KDM4C: variants seen among roughly 807,000 people sequenced by gnomAD.
The protein encoded by KDM4C is lysine-specific demethylase 4C.
A neutral mutation model predicts 129.3 loss-of-function variants in KDM4C; 81 were observed. The observed-to-expected ratio is 0.63, with a 90% CI of 0.52 to 0.75. KDM4C has a LOEUF of 0.75. Ranked by LOEUF, KDM4C falls within the 30% of genes least tolerant of loss-of-function variation. KDM4C has a pLI of 0.00. For synonymous variants in KDM4C, 573 were observed against 456.1 expected (o/e 1.26, Z -3.26); for missense variants, 1,457 against 1,304.0 (o/e 1.12, Z -1.81).
chr9:7,132,406 C>G (rs373359898), intron 19 of KDM4C, among the ~76,000 whole-genome samples: 1 of 151,824 alleles, frequency 6.6e-6, no homozygotes, highest in Non-Finnish European at 1.5e-5. Context: ...GAGAAACGCT[C>G]TTTGAACTAT....
intron 19 of KDM4C, among the ~76,000 whole-genome samples, chr9:7,137,782 A>C (rs1841362612): frequency 6.6e-6 from 1 of 152,242 alleles, no homozygotes; most frequent in Admixed American, 6.5e-5. Flanking sequence ...CCAGGTGCTA[A>C]CACCCCAGGA....
chr9:6,880,574 G>T (rs1475956351), intron 6 of KDM4C, among the ~76,000 whole-genome samples: 5 of 152,100 alleles, frequency 3.3e-5, no homozygotes, highest in African/African-American at 7.2e-5. Context: ...AAGTGTGAAG[G>T]TGAATGGCTC....
chr9:7,120,318 G>A (rs1839360315), intron 18 of KDM4C, among the ~76,000 whole-genome samples: 1 of 152,118 alleles, frequency 6.6e-6, no homozygotes. Flanking sequence ...TCTTTTGTTT[G>A]AAATTTGGCT....
intron 8 of KDM4C, among the ~76,000 whole-genome samples, chr9:6,965,240 A>AG (rs1830740572): frequency 6.6e-6 from 1 of 151,614 alleles, no homozygotes; most frequent in Non-Finnish European, 1.5e-5. Context: ...CAAATTGCAA[A>AG]GAAAAAAAAA....
At chr9:7,045,760 T>G (rs1829302184) in intron 15 of KDM4C, among the ~76,000 whole-genome samples, 1 of 152,060 alleles carries the variant, frequency 6.6e-6, no homozygotes, top group Non-Finnish European at 1.5e-5. Context: ...GTTGGACATT[T>G]CTAGTTGTTT....
At chr9:6,966,300 A>T (rs1441991265) in intron 8 of KDM4C, among the ~76,000 whole-genome samples, 1 of 151,978 alleles carries the variant, frequency 6.6e-6, no homozygotes, top group Non-Finnish European at 1.5e-5. Context: ...CTCCTGCCTC[A>T]GCCTCCTGAA....
chr9:7,169,803 G>A lies in KDM4C; in HGVS notation c.2907G>A (p.Glu969=). ...GSNIAHMYQV[E]FEDGSQIAMK... ...GTTATATTATCTTTCATTAGGTTGAGTTTGAAGATGGATCCCAGATAGCAA... is the reference window on the plus strand; with the variant it reads ...GTTATATTATCTTTCATTAGGTTGAATTTGAAGATGGATCCCAGATAGCAA... The change falls in exon 21 of 22, where the codon GAG becomes GAA. Residue 969 remains glutamate, a synonymous_variant. Coordinates refer to ENST00000381309, the MANE Select transcript of KDM4C (RefSeq NM_015061.6). 1 of 1,602,180 alleles carries A rather than the reference G, an allele frequency of 6.2e-7. No individual in the cohort carries two copies. The highest frequency in any genetic ancestry group is 8.5e-7 in the Non-Finnish European group (1 of 1,170,284).
At chr9:6,905,702 T>C (rs1215650554) in intron 8 of KDM4C, among the ~76,000 whole-genome samples, 1 of 152,186 alleles carries the variant, frequency 6.6e-6, no homozygotes, top group Non-Finnish European at 1.5e-5. Flanking sequence ...TGTAGGGTCC[T>C]TGTGATCAAT....
At chr9:7,122,899 C>T (rs114890824) in intron 18 of KDM4C, among the ~76,000 whole-genome samples, 2,465 of 152,248 alleles carry the variant, frequency 0.016, 77 homozygotes, top group African/African-American at 0.056. Context: ...TGGATGCCCT[C>T]GCATGATGCC....
chr9:7,174,492 G>C, intron 21 of KDM4C, 61 bp from the exon 22 acceptor site: 5 of 1,516,576 alleles, frequency 3.3e-6, no homozygotes, highest in Non-Finnish European at 3.6e-6. Flanking sequence ...TCAGATCTTT[G>C]TCCAGTGTTC....
At chr9:7,071,850 T>C (rs919072148) in intron 17 of KDM4C, among the ~76,000 whole-genome samples, 7 of 152,178 alleles carry the variant, frequency 4.6e-5, no homozygotes, top group African/African-American at 1.7e-4. Flanking sequence ...TGAACACACC[T>C]GATCTCATCT....
At chr9:7,076,900 T>C (rs1489004202) in intron 17 of KDM4C, 1 of 988,120 alleles carries the variant, frequency 1.0e-6, no homozygotes, top group Non-Finnish European at 1.2e-6. Flanking sequence ...TTGTCTCCTG[T>C]AGCATGGAGG....
chr9:6,938,346 G>C (rs538333048), intron 8 of KDM4C, among the ~76,000 whole-genome samples: 2 of 152,258 alleles, frequency 1.3e-5, no homozygotes, highest in Non-Finnish European at 2.9e-5. Context: ...GACCCAGAGA[G>C]TGCAGCTCAG....
rs141492115 is a variant in KDM4C, at chr9:6,788,616, C to A, written c.-17-4356C>A. On this transcript the variant is annotated intron_variant, in intron 1 of 21. Coordinates refer to ENST00000381309, the MANE Select transcript of KDM4C (RefSeq NM_015061.6). ...ACAATTTGGCACTTACTCCTTCATTCAGCTGGCAAATAATTATTGCAGCAG... is the reference window on the plus strand; with the variant it reads ...ACAATTTGGCACTTACTCCTTCATTAAGCTGGCAAATAATTATTGCAGCAG... 4.4e-3 allele frequency among the ~76,000 whole-genome samples: 670 copies of A among 152,324 alleles called. 3 individuals are homozygous for A. The highest frequency in any genetic ancestry group is 4.4e-3 in the Non-Finnish European group (298 of 68,034).
intron 8 of KDM4C, among the ~76,000 whole-genome samples, chr9:6,971,663 T>C (rs1248301957): frequency 6.6e-6 from 1 of 152,232 alleles, no homozygotes; most frequent in African/African-American, 2.4e-5. Context: ...TGTCATTTCC[T>C]GGGCAAAGAA....
intron 2 of KDM4C, among the ~76,000 whole-genome samples, chr9:6,799,318 C>T (rs1265710903): frequency 2.0e-5 from 3 of 152,260 alleles, no homozygotes; most frequent in Non-Finnish European, 4.4e-5. Context: ...ATCCCGGCAT[C>T]TTGGGAGGCC....
intron 17 of KDM4C, chr9:7,076,814 A>G (rs189300784): frequency 7.9e-5 from 81 of 1,020,482 alleles, no homozygotes; most frequent in Middle Eastern, 4.8e-4. Context: ...GTGTCCTACT[A>G]CAGCCTCAAA....
Position 6,955,573 on chromosome 9 carries a change from A to G in KDM4C, c.922-25352A>G, listed in dbSNP as rs148418279. 3.2e-3 allele frequency among the ~76,000 whole-genome samples: 486 copies of G among 152,334 alleles called. 2 individuals carry two copies. Among genetic ancestry groups the G allele is most frequent in the African/African-American group, 0.01 (432 of 41,568 alleles). On this transcript the variant is annotated intron_variant, in intron 8 of 21. Coordinates refer to ENST00000381309, the MANE Select transcript of KDM4C (RefSeq NM_015061.6). ...GGAATCTGTGCCGCAGCTTTATCGA[A>G]GTATGACTCTAGAAAAGGAAAACGT...
At chr9:6,738,169 C>G (rs1033644841) in intron 1 of KDM4C, among the ~76,000 whole-genome samples, 14 of 146,414 alleles carry the variant, frequency 9.6e-5, no homozygotes, top group African/African-American at 3.6e-4. Flanking sequence ...CTAAACTAAA[C>G]TAAACTAAAC....
Sources: allele counts gnomAD v4.1 joint callset (sites outside exome capture counted in the v4.1 genomes callset), GRCh38; gene constraint gnomAD v4.1.1; transcripts MANE v1.5; gene names NCBI Gene and HGNC (gene_info 2026-07-23, HGNC 2026-07-21).